The following TAF1 variants were observed in gnomAD, a reference collection of about 807,000 sequenced individuals.
TAF1 encodes transcription initiation factor TFIID subunit 1.
A neutral mutation model predicts 138.5 loss-of-function variants in TAF1; 2 were observed. That is an observed-to-expected ratio of 0.01 (90% CI 0.01 to 0.05). The LOEUF is 0.05. TAF1 is among the 10% of genes least tolerant of loss of function. TAF1 has a pLI of 1.00. For synonymous variants in TAF1, 437 were observed against 503.2 expected, an observed-to-expected ratio of 0.87 and a Z score of 1.76; for missense variants, 709 against 1,478.0, an observed-to-expected ratio of 0.48 and a Z score of 8.53.
At chrX:71,428,441 T>C (rs1336214556) in intron 32 of TAF1, among the ~76,000 whole-genome samples, 1 of 111,846 alleles carries the variant, frequency 8.9e-6, no homozygotes, top group Non-Finnish European at 1.9e-5. Context: ...ATTTGAACAT[T>C]GGCCCCACCA....
intron 13 of TAF1, among the ~76,000 whole-genome samples, chrX:71,493,824 C>T (rs187229671): frequency 9.0e-6 from 1 of 110,582 alleles, no homozygotes; most frequent in Non-Finnish European, 1.9e-5. Context: ...CCTCCACCCC[C>T]ATCTCTGCAA....
Position 71,378,384 on chromosome X carries a change from T to C in TAF1, c.1083T>C (p.Ser361=), listed in dbSNP as rs769861599. ...YDMLGVPEDG[S]GFDYGFKLRK... The stretch of plus-strand genomic sequence containing the variant: ...TGCTGGGTGTCCCTGAAGATGGCAG[T>C]GGGTTTGACTATGGCTTCAAACTGA... Residue 361 remains serine (S), a synonymous_variant, in exon 7 of 38, where the codon AGT becomes AGC. Transcript: ENST00000423759. 1.4e-5 allele frequency: 17 copies of C among 1,210,490 alleles called. No homozygotes were observed. In the African/African-American group the frequency reaches 3.0e-4, roughly 21 times the overall value.
In TAF1 at chrX:71,378,409, A is replaced by G; in HGVS notation, c.1108A>G (p.Arg370Gly). 8.2e-7 allele frequency: 1 copy of G among 1,212,161 alleles called. No homozygotes were observed. The highest frequency in any genetic ancestry group is 1.1e-6 in the Non-Finnish European group (1 of 895,649). The change falls in exon 7 of 38, where the codon AGA becomes GGA. Residue 370 changes from arginine to glycine, a missense_variant. By Grantham distance (125) the Arg-to-Gly change is moderately radical. Around this residue, in one of 14 missense-constraint regions of TAF1, gnomAD observed 201 missense variants for 421.3 expected, o/e 0.48. Transcript: ENST00000423759. ...GSGFDYGFKL[R>G]KTEHEPVIKS... ...TGGGTTTGACTATGGCTTCAAACTG[A>G]GAAAGACAGAACATGAACCTGTGAT... is the stretch of plus-strand genomic sequence containing the variant.
intron 13 of TAF1, among the ~76,000 whole-genome samples, chrX:71,511,828 C>T (rs1288242172): frequency 1.8e-5 from 2 of 110,384 alleles, no homozygotes; most frequent in African/African-American, 6.6e-5. Flanking sequence ...CCAGCCTGGG[C>T]AACATGGTGA....
At chrX:71,496,507 G>A (rs1422589176) in intron 13 of TAF1, among the ~76,000 whole-genome samples, 1 of 110,620 alleles carries the variant, frequency 9.0e-6, no homozygotes, top group African/African-American at 3.3e-5. Context: ...TTGACTTTCT[G>A]TCTCTTTCTC....
At chrX:71,376,134 G>A (rs1236727710) in intron 4 of TAF1, among the ~76,000 whole-genome samples, 3 of 111,527 alleles carry the variant, frequency 2.7e-5, no homozygotes, top group Non-Finnish European at 5.7e-5. Flanking sequence ...TGTATTTTGA[G>A]GCTTGTATTA....
At position 71,508,655 on chromosome X, in the gene TAF1, C is replaced by T. The variant is rs1244246500; in HGVS notation, c.1367-19887C>T. 6.3e-5 allele frequency among the ~76,000 whole-genome samples: 6 copies of T among 95,539 alleles called. No individual in the cohort carries two copies. The East Asian group carries it at 9.6e-4, about 15-fold the overall frequency. 83.0% of individuals were successfully genotyped at this position (95,539 alleles called of 115,157 possible). On this transcript the variant is annotated intron_variant and NMD_transcript_variant, in intron 13 of 14. Coordinates refer to the TAF1 transcript ENST00000373775. ...AAAAAAGAAAGTAGCCAAGTGAAGA[C>T]GGGAAGGAAGGTCATTTTAGGCAGA...
At chrX:71,527,061 T>C (rs776709490) in intron 13 of TAF1, among the ~76,000 whole-genome samples, 2 of 108,617 alleles carry the variant, frequency 1.8e-5, no homozygotes, top group Non-Finnish European at 3.8e-5. Context: ...AGACCCTGTC[T>C]CAAAAATAAA....
At chrX:71,442,099 G>C (rs1485016565) in intron 32 of TAF1, among the ~76,000 whole-genome samples, 1 of 111,619 alleles carries the variant, frequency 9.0e-6, no homozygotes, top group Admixed American at 9.5e-5. Context: ...CCAAGTCTTT[G>C]CTATTGTGAA....
chrX:71,500,670 G>A (rs1049106511), intron 13 of TAF1, among the ~76,000 whole-genome samples: 4 of 110,115 alleles, frequency 3.6e-5, no homozygotes, highest in Non-Finnish European at 5.7e-5. Flanking sequence ...GACGAAGGTC[G>A]GATTTAGTGG....
chrX:71,442,778 G>A (rs186617457), intron 32 of TAF1, among the ~76,000 whole-genome samples: 5 of 111,636 alleles, frequency 4.5e-5, no homozygotes, highest in African/African-American at 1.6e-4. Flanking sequence ...TTTCTTCTAG[G>A]GTTTTTATGG....
chrX:71,377,356 T>C (rs192740730), intron 5 of TAF1, among the ~76,000 whole-genome samples, 165 bp downstream of exon 5: 1 of 111,762 alleles, frequency 8.9e-6, no homozygotes, highest in Non-Finnish European at 1.9e-5. Flanking sequence ...TTTAAAGTTG[T>C]ATGTATTGAT....
chrX:71,452,310 G>A lies in TAF1; in HGVS notation c.4754-1860G>A, dbSNP rs1367540840. Among the ~76,000 whole-genome samples the A allele has an allele frequency of 3.6e-5, 4 of 109,952 alleles. No homozygotes were observed. The Admixed American group carries it at 3.8e-4, about 10-fold the overall frequency. On this transcript the variant is annotated intron_variant, in intron 32 of 37. Coordinates refer to ENST00000423759, the MANE Select transcript of TAF1 (RefSeq NM_004606.5). ...GGGCTCCTCACTTCTCAGACGGGGC[G>A]GTTGCCGGGCGGAGGGTCTCCTCAC...
intron 4 of TAF1, 134 bp from the exon 5 acceptor site, chrX:71,376,816 G>A: frequency 2.2e-6 from 2 of 907,653 alleles, no homozygotes; most frequent in African/African-American, 3.9e-5. Flanking sequence ...TTGCATACTA[G>A]TATTATGATT....
intron 13 of TAF1, among the ~76,000 whole-genome samples, chrX:71,384,439 T>A (rs1276410557): frequency 3.7e-5 from 4 of 107,595 alleles, no homozygotes; most frequent in African/African-American, 1.4e-4. Context: ...TGAGACTGAA[T>A]CTTGCTCTTT....
At chrX:71,466,047 AAG>A (rs2038745555), downstream of TAF1, 1 of 111,755 alleles carries the variant, frequency 8.9e-6, no homozygotes, top group South Asian at 3.7e-4. Flanking sequence ...TAGTTCAAGT[AAG>A]AGAGAATGGA....
chrX:71,382,639 A>G lies in TAF1; in HGVS notation c.1641A>G (p.Gly547=). The change falls in exon 10 of 38, where the codon GGA becomes GGG. Residue 547 remains glycine, a synonymous_variant. Transcript: ENST00000423759. ...KKSRILLGKT[G]VIKEEPQQNM... ...GTCGAATTCTCTTAGGGAAAACAGG[A>G]GTCATCAAGGAGGAACCACAGCAGG... 1 of 1,211,354 alleles carries G rather than the reference A, an allele frequency of 8.3e-7. No individual in the cohort carries two copies.
At chrX:71,495,139 G>A (rs371698365) in intron 13 of TAF1, among the ~76,000 whole-genome samples, 5 of 111,742 alleles carry the variant, frequency 4.5e-5, no homozygotes, top group Admixed American at 9.5e-5. Context: ...GGCAATGACC[G>A]CTCTAACTAC....
In TAF1 at chrX:71,382,573, C is replaced by T. The variant is rs2033963655; in HGVS notation, c.1575C>T (p.Ser525=). 3.3e-6 allele frequency: 4 copies of T among 1,209,723 alleles called. No individual in the cohort carries two copies. The highest frequency in any genetic ancestry group is 1.7e-5 in the African/African-American group (1 of 57,598). The change falls in exon 10 of 38, where the codon TCC becomes TCT. Residue 525 remains serine, a synonymous_variant. Transcript: ENST00000423759. ...PDEKEEATSN[S]PSKESKKESS... ...AGAAGGAAGAGGCCACCTCTAACTCCCCCTCCAAGGAGAGTAAGAAGGAAT... is the reference window on the plus strand; with the variant it reads ...AGAAGGAAGAGGCCACCTCTAACTCTCCCTCCAAGGAGAGTAAGAAGGAAT...
Sources: allele counts gnomAD v4.1 joint callset (sites outside exome capture counted in the v4.1 genomes callset), GRCh38; gene constraint gnomAD v4.1.1; regional missense constraint gnomAD v4.1.1; transcripts MANE v1.5; gene names NCBI Gene and HGNC (gene_info 2026-07-23, HGNC 2026-07-21).